The following EXOC4 variants were observed in gnomAD, a reference collection of about 807,000 sequenced individuals.
EXOC4 encodes exocyst complex component 4.
Under a neutral mutation model 107.2 loss-of-function variants are expected in EXOC4, and 71 were observed. The observed-to-expected ratio is 0.66, with a 90% confidence interval of 0.55 to 0.81. The LOEUF (loss-of-function observed/expected upper bound fraction) is 0.81. EXOC4 is among the 30% of genes least tolerant of loss of function. The pLI is 0.00. For missense variants in EXOC4, 1,108 were observed against 1,189.6 expected (o/e 0.93, Z 1.01); for synonymous variants, 456 against 441.2 (o/e 1.03, Z -0.42).
Position 133,745,663 on chromosome 7 carries a change from C to T in EXOC4, c.1515-71662C>T, listed in dbSNP as rs868834645. Among the ~76,000 whole-genome samples the T allele has an allele frequency of 2.5e-4, 36 of 146,556 alleles. No individual in the cohort carries two copies. In the Middle Eastern group the frequency reaches 0.011, roughly 45 times the overall value. ...TTGAAAAGACTGGAATAAAATAGGA[C>T]AAAATATTAATTATGGTTTATTTTA... On this transcript the variant is annotated intron_variant, in intron 10 of 17. Transcript: ENST00000253861.
intron 7 of EXOC4, among the ~76,000 whole-genome samples, chr7:133,406,253 C>G (rs906858573): frequency 6.6e-6 from 1 of 152,134 alleles, no homozygotes; most frequent in Non-Finnish European, 1.5e-5. Context: ...AAATCCCATG[C>G]CATTTTCTTA....
intron 7 of EXOC4, among the ~76,000 whole-genome samples, chr7:133,433,447 G>A (rs1234596453): frequency 6.6e-6 from 1 of 152,190 alleles, no homozygotes; most frequent in East Asian, 1.9e-4. Context: ...GCTTCTAGTA[G>A]CTGCTAATTC....
chr7:134,038,488 T>C (rs986074765), intron 17 of EXOC4, among the ~76,000 whole-genome samples: 27 of 152,204 alleles, frequency 1.8e-4, no homozygotes, highest in African/African-American at 6.5e-4. Flanking sequence ...ATATATCCTT[T>C]AATTGCCTTA....
chr7:133,998,212 ATTGAGGTATTCAGCATTTTCTT>A (rs1319820689), intron 15 of EXOC4, among the ~76,000 whole-genome samples: 2 of 152,208 alleles, frequency 1.3e-5, no homozygotes, highest in Non-Finnish European at 2.9e-5. Flanking sequence ...AATGGAAGTG[ATTGAGGTATTCAGCATTTTCTT>A]TTGCACTAAG....
chr7:133,349,082 TG>T, intron 5 of EXOC4, among the ~76,000 whole-genome samples: 1 of 152,240 alleles, frequency 6.6e-6, no homozygotes, highest in African/African-American at 2.4e-5. Context: ...ATTGTGTAAG[TG>T]ATTATATCAT....
chr7:133,465,529 C>T (rs1258741717), intron 7 of EXOC4, among the ~76,000 whole-genome samples: 1 of 152,108 alleles, frequency 6.6e-6, no homozygotes, highest in Non-Finnish European at 1.5e-5. Context: ...TTGAGCAACA[C>T]TATTAACCAC....
chr7:133,259,294 G>A (rs1795088893), intron 1 of EXOC4, among the ~76,000 whole-genome samples: 1 of 148,864 alleles, frequency 6.7e-6, no homozygotes, highest in South Asian at 2.1e-4. Context: ...GTGCAGTGGC[G>A]CCATCTCAGC....
At chr7:133,335,434 C>T (rs10228475) in intron 5 of EXOC4, among the ~76,000 whole-genome samples, 12 of 152,162 alleles carry the variant, frequency 7.9e-5, no homozygotes, top group African/African-American at 2.9e-4. Context: ...GTGGATACCT[C>T]ATATAAGTGG....
chr7:133,523,868 A>T (rs1427664469), intron 9 of EXOC4, among the ~76,000 whole-genome samples: 3 of 151,924 alleles, frequency 2.0e-5, no homozygotes, highest in African/African-American at 2.4e-5. Context: ...GTTGGTTCCA[A>T]GTCTTTGCTA....
intron 10 of EXOC4, among the ~76,000 whole-genome samples, chr7:133,757,842 C>T (rs563234700): frequency 6.6e-6 from 1 of 152,180 alleles, no homozygotes. Context: ...TATTATTATC[C>T]CTCATTTTTA....
intron 11 of EXOC4, among the ~76,000 whole-genome samples, chr7:133,869,109 A>G (rs1798700874): frequency 6.6e-6 from 1 of 151,482 alleles, no homozygotes; most frequent in Admixed American, 6.6e-5. Context: ...CTTGTCTAGA[A>G]AGCCATTCTA....
chr7:133,278,711 G>A (rs888821131), intron 2 of EXOC4, among the ~76,000 whole-genome samples: 3 of 152,124 alleles, frequency 2.0e-5, no homozygotes, highest in African/African-American at 7.2e-5. Context: ...GGGAAGTCAC[G>A]TAGGGTCTTG....
intron 14 of EXOC4, among the ~76,000 whole-genome samples, chr7:133,963,065 G>C (rs575014382): frequency 6.6e-6 from 1 of 152,274 alleles, no homozygotes; most frequent in East Asian, 1.9e-4. Flanking sequence ...ATAAAAACAG[G>C]AGTTGATCCC....
At chr7:133,467,280 G>A (rs1416646016) in intron 7 of EXOC4, among the ~76,000 whole-genome samples, 1 of 131,392 alleles carries the variant, frequency 7.6e-6, no homozygotes. Flanking sequence ...TATCTTCTCT[G>A]CATTGACTCT....
chr7:133,546,771 T>C lies in EXOC4; in HGVS notation c.1417+66633T>C, dbSNP rs140539095. Among the ~76,000 whole-genome samples the C allele has an allele frequency of 6.6e-5, 10 of 152,340 alleles. No individual in the cohort carries two copies. The East Asian group carries it at 1.9e-3, about 29-fold the overall frequency. The stretch of plus-strand genomic sequence containing the variant: ...TCTATTCTTATATGGTTGGCTTCTC[T>C]GCTCTGGTATAAAACTTTATTTATT... On this transcript the variant is annotated intron_variant, in intron 9 of 17. Coordinates refer to ENST00000253861, the MANE Select transcript of EXOC4 (RefSeq NM_021807.4).
chr7:133,464,766 A>G (rs1197303217), intron 7 of EXOC4, among the ~76,000 whole-genome samples: 1 of 151,128 alleles, frequency 6.6e-6, no homozygotes, highest in Non-Finnish European at 1.5e-5. Context: ...AGAATTAATT[A>G]ACACAACCAG....
chr7:133,302,065 A>T (rs960273465), intron 3 of EXOC4, among the ~76,000 whole-genome samples: 1 of 152,016 alleles, frequency 6.6e-6, no homozygotes, highest in East Asian at 1.9e-4. Context: ...TTTGTTGTAG[A>T]CTTATATCTC....
At chr7:134,067,157 AAAAAAAAAAAAAAAAAAGGCC>A (rs1321305284), downstream of EXOC4, among the ~76,000 whole-genome samples, 1 of 18,154 alleles carries the variant, frequency 5.5e-5, no homozygotes, top group African/African-American at 3.0e-4. Flanking sequence ...CTCAAAAAAA[AAAAAAAAAAAAAAAAAAGGCC>A]AACGAAATAC....
chr7:133,338,331 C>T (rs1487972611), intron 5 of EXOC4, among the ~76,000 whole-genome samples: 2 of 151,492 alleles, frequency 1.3e-5, no homozygotes, highest in Non-Finnish European at 2.9e-5. Context: ...CGGTGGCTCA[C>T]GCCTGTAATC....
Sources: allele counts gnomAD v4.1 joint callset (sites outside exome capture counted in the v4.1 genomes callset), GRCh38; gene constraint gnomAD v4.1.1; transcripts MANE v1.5; gene names NCBI Gene and HGNC (gene_info 2026-07-23, HGNC 2026-07-21).